RAB3C: variants seen among roughly 807,000 people sequenced by gnomAD.
RAB3C encodes the protein RAB3C, member RAS oncogene family.
Under a neutral mutation model 26.4 loss-of-function variants are expected in RAB3C, and 17 were observed. That is an observed-to-expected ratio of 0.64 (90% CI 0.44 to 0.97). The LOEUF (loss-of-function observed/expected upper bound fraction) is 0.97. Among genes scored for constraint, RAB3C ranks in the 50% least tolerant of loss-of-function variants. The pLI is 0.00. For missense variants in RAB3C, 242 were observed against 281.9 expected (o/e 0.86, Z 1.01); for synonymous variants, 91 against 95.9 (o/e 0.95, Z 0.30).
At chr5:58,844,167 G>A (rs1248103258) in intron 4 of RAB3C, among the ~76,000 whole-genome samples, 1 of 152,076 alleles carries the variant, frequency 6.6e-6, no homozygotes, top group Non-Finnish European at 1.5e-5. Flanking sequence ...CTTTCTGGGG[G>A]GTGATGACAA....
intron 2 of RAB3C, among the ~76,000 whole-genome samples, chr5:58,626,077 C>G (rs1747044841): frequency 6.6e-6 from 1 of 152,144 alleles, no homozygotes; most frequent in African/African-American, 2.4e-5. Context: ...TTATCAGCAT[C>G]TGATGATGTT....
At chr5:58,803,364 A>G (rs1742854474) in intron 3 of RAB3C, among the ~76,000 whole-genome samples, 1 of 152,146 alleles carries the variant, frequency 6.6e-6, no homozygotes. Flanking sequence ...ATGCTTTTTT[A>G]TTTTTATTTC....
At chr5:58,597,733 T>TACG (rs1275252967) in intron 1 of RAB3C, among the ~76,000 whole-genome samples, 23 of 124,640 alleles carry the variant, frequency 1.8e-4, no homozygotes, top group African/African-American at 7.0e-4. Context: ...TATATAAGTA[T>TACG]ATAACATATA....
chr5:58,655,866 G>A (rs1023762782), intron 2 of RAB3C, among the ~76,000 whole-genome samples: 1 of 144,430 alleles, frequency 6.9e-6, no homozygotes, highest in South Asian at 2.2e-4. Context: ...CGCAGTCTCG[G>A]CTCACTGCAA....
chr5:58,813,873 C>G (rs907284419), intron 3 of RAB3C, among the ~76,000 whole-genome samples: 1 of 113,958 alleles, frequency 8.8e-6, no homozygotes, highest in Admixed American at 8.1e-5. Context: ...TGCATGCCAC[C>G]AAACACAATT....
intron 3 of RAB3C, among the ~76,000 whole-genome samples, chr5:58,824,012 G>T (rs1743414470): frequency 6.6e-6 from 1 of 151,622 alleles, no homozygotes; most frequent in South Asian, 2.1e-4. Context: ...TACTGAGAAT[G>T]ATGATTTCCA....
intron 3 of RAB3C, among the ~76,000 whole-genome samples, chr5:58,774,524 T>C (rs1742087351): frequency 6.6e-6 from 1 of 152,086 alleles, no homozygotes; most frequent in Admixed American, 6.6e-5. Flanking sequence ...GAAAAACATA[T>C]AGAACATCTG....
chr5:58,586,193 C>T (rs750569766), intron 1 of RAB3C, among the ~76,000 whole-genome samples: 1 of 151,916 alleles, frequency 6.6e-6, no homozygotes, highest in African/African-American at 2.4e-5. Context: ...ATATATTTTA[C>T]AAGAGTATTT....
chr5:58,843,087 G>A (rs1380731960), intron 4 of RAB3C, among the ~76,000 whole-genome samples: 1 of 152,124 alleles, frequency 6.6e-6, no homozygotes, highest in Non-Finnish European at 1.5e-5. Context: ...AATGAGCCTT[G>A]TAAAGTCATC....
At chr5:58,689,052 G>T (rs1048088608) in intron 2 of RAB3C, among the ~76,000 whole-genome samples, 1 of 152,042 alleles carries the variant, frequency 6.6e-6, no homozygotes, top group African/African-American at 2.4e-5. Flanking sequence ...CCCCACAGAA[G>T]CTCTATGAAG....
intron 3 of RAB3C, among the ~76,000 whole-genome samples, chr5:58,784,539 A>G (rs938714582): frequency 1.3e-5 from 2 of 152,166 alleles, no homozygotes; most frequent in African/African-American, 2.4e-5. Flanking sequence ...CAGCCAAGCC[A>G]TATCACTCGG....
Position 58,617,763 on chromosome 5 carries a change from C to T in RAB3C, c.145C>T (p.Arg49Cys). 4 of 1,613,652 alleles carry T rather than the reference C, an allele frequency of 2.5e-6. No homozygotes were observed. Among genetic ancestry groups the T allele is most frequent in the Non-Finnish European group, 2.5e-6 (3 of 1,179,720 alleles). The change falls in exon 2 of 5, where the codon CGT (arginine) becomes TGT (cysteine). Residue 49 changes from arginine (R) to cysteine (C), a missense_variant. Physicochemically the swap from Arg to Cys is radical, Grantham distance 180. Transcript: ENST00000282878. ...SSVGKTSFLF[R>C]YADDSFTSAF... is the part of the protein sequence containing the mutation. ...TGTGGGGAAAACATCTTTTCTATTC[C>T]GTTATGCAGATGACTCCTTTACATC...
chr5:58,728,172 G>C (rs293005), intron 3 of RAB3C, among the ~76,000 whole-genome samples: 76,263 of 151,748 alleles, frequency 0.5, 20,177 homozygotes, highest in Non-Finnish European at 0.6. Flanking sequence ...GATTTATTAG[G>C]GTTTTTTAAT....
At chr5:58,773,797 C>T (rs1258450924) in intron 3 of RAB3C, among the ~76,000 whole-genome samples, 1 of 152,072 alleles carries the variant, frequency 6.6e-6, no homozygotes, top group African/African-American at 2.4e-5. Flanking sequence ...CCTACAACAT[C>T]CTCTTCTAGC....
In RAB3C at chr5:58,586,637, A is replaced by G. The variant is rs970478929; in HGVS notation, c.24+3405A>G. Among the ~76,000 whole-genome samples, 9 of 152,226 alleles carry G rather than the reference A, an allele frequency of 5.9e-5. 1 individual carries two copies. In the East Asian group the frequency reaches 1.7e-3, roughly 29 times the overall value. On this transcript the variant is annotated intron_variant, in intron 1 of 4. Transcript: ENST00000282878. ...TAAATGCTTACTTTTCCAATTTGTT[A>G]TCCACAAGCTTTTGGGGTCACTTCA...
Position 58,852,905 on chromosome 5 carries a change from G to A in RAB3C, c.*1554G>A, listed in dbSNP as rs192647110. ...TAGAGAGGCTTCCCATGAAAGTATTGGATGCAAATGAAACAGGCATACATC... is the reference window on the plus strand; with the variant it reads ...TAGAGAGGCTTCCCATGAAAGTATTAGATGCAAATGAAACAGGCATACATC... On this transcript the variant is annotated 3_prime_UTR_variant, in exon 5 of 5. Transcript: ENST00000282878. 1 of 152,200 alleles carries A rather than the reference G, an allele frequency of 6.6e-6. No individual in the cohort carries two copies. The highest frequency in any genetic ancestry group is 1.5e-5 in the Non-Finnish European group (1 of 68,004). 9.4% of individuals were successfully genotyped at this position (152,200 alleles called of 1,614,324 possible).
At chr5:58,775,258 C>T (rs191713631) in intron 3 of RAB3C, among the ~76,000 whole-genome samples, 219 of 152,196 alleles carry the variant, frequency 1.4e-3, no homozygotes, top group African/African-American at 5.2e-3. Context: ...ATACTCTTGG[C>T]TGAGATCACA....
At chr5:58,626,207 CT>C (rs1747047345) in intron 2 of RAB3C, among the ~76,000 whole-genome samples, 1 of 152,110 alleles carries the variant, frequency 6.6e-6, no homozygotes, top group Non-Finnish European at 1.5e-5. Flanking sequence ...CATTAAGTTT[CT>C]TTTTTCTTAT....
intron 4 of RAB3C, among the ~76,000 whole-genome samples, chr5:58,844,680 A>G (rs1349654059): frequency 6.6e-6 from 1 of 152,220 alleles, no homozygotes; most frequent in Non-Finnish European, 1.5e-5. Flanking sequence ...TAGAATCTGG[A>G]AAAAGAAGAT....
Sources: allele counts gnomAD v4.1 joint callset (sites outside exome capture counted in the v4.1 genomes callset), GRCh38; gene constraint gnomAD v4.1.1; transcripts MANE v1.5; gene names NCBI Gene and HGNC (gene_info 2026-07-23, HGNC 2026-07-21).